CEP135: variants seen among roughly 807,000 people sequenced by gnomAD.
CEP135 encodes the protein centrosomal protein 135, also known as centrosomal protein of 135 kDa.
CEP135 carries 142 observed loss-of-function variants against 157.3 expected under a neutral mutation model. The observed-to-expected ratio is 0.90, with a 90% CI of 0.79 to 1.04. CEP135 has a LOEUF of 1.04. Among genes scored for constraint, CEP135 ranks in the 50% least tolerant of loss-of-function variants. CEP135 has a pLI of 0.00. For synonymous variants in CEP135, 396 were observed against 439.8 expected (o/e 0.90, Z 1.25); for missense variants, 1,317 against 1,309.2 (o/e 1.01, Z -0.09).
chr4:55,962,238 T>C (rs1202831988), intron 6 of CEP135, among the ~76,000 whole-genome samples: 1 of 152,158 alleles, frequency 6.6e-6, no homozygotes, highest in East Asian at 1.9e-4. Flanking sequence ...TAGCTGGGAC[T>C]ACAGGCACCC....
chr4:55,995,775 C>T (rs1030231318), intron 15 of CEP135, among the ~76,000 whole-genome samples: 1 of 152,132 alleles, frequency 6.6e-6, no homozygotes, highest in African/African-American at 2.4e-5. Context: ...AAATTGTTTC[C>T]AGCCCAGTTA....
At chr4:55,962,479 T>G (rs1219581304) in intron 6 of CEP135, among the ~76,000 whole-genome samples, 1 of 152,220 alleles carries the variant, frequency 6.6e-6, no homozygotes, top group Non-Finnish European at 1.5e-5. Context: ...ACTGTCTTAC[T>G]TGATATCTCC....
chr4:56,020,615 C>A, intron 23 of CEP135, 61 bp from the exon 24 acceptor site: 1 of 1,352,716 alleles, frequency 7.4e-7, no homozygotes, highest in South Asian at 1.3e-5. Flanking sequence ...TTAAAAAACC[C>A]ACAGCACCTG....
At chr4:56,025,809 A>G (rs1353852684) in intron 25 of CEP135, among the ~76,000 whole-genome samples, 1 of 152,132 alleles carries the variant, frequency 6.6e-6, no homozygotes, top group African/African-American at 2.4e-5. Flanking sequence ...AAAGTAAACC[A>G]TGAAATATAT....
At chr4:55,981,602 T>C (rs568207865) in intron 13 of CEP135, among the ~76,000 whole-genome samples, 2 of 152,344 alleles carry the variant, frequency 1.3e-5, no homozygotes, top group East Asian at 1.9e-4. Context: ...TTTTGTAGTA[T>C]GACCTACAAA....
chr4:56,011,228 C>T (rs1013973063), intron 19 of CEP135, among the ~76,000 whole-genome samples, 184 bp from the exon 20 acceptor site: 3 of 152,126 alleles, frequency 2.0e-5, no homozygotes, highest in Non-Finnish European at 4.4e-5. Context: ...GAATGAGACT[C>T]TGTCTGAAAT....
chr4:56,006,201 T>A (rs1351242418), intron 17 of CEP135, among the ~76,000 whole-genome samples: 1 of 152,226 alleles, frequency 6.6e-6, no homozygotes, highest in East Asian at 1.9e-4. Flanking sequence ...AACTCCCTCT[T>A]GAACACCAGT....
chr4:56,001,893 T>C (rs1454992325), intron 17 of CEP135, among the ~76,000 whole-genome samples: 7 of 152,190 alleles, frequency 4.6e-5, no homozygotes, highest in Non-Finnish European at 8.8e-5. Context: ...GGAATATCCT[T>C]CCATTTTTTT....
chr4:56,009,958 A>C, intron 19 of CEP135, 55 bp downstream of exon 19: 1 of 1,488,114 alleles, frequency 6.7e-7, no homozygotes, highest in South Asian at 1.2e-5. Flanking sequence ...TGTTTGCTAA[A>C]TATTAAAGCT....
chr4:56,021,098 A>G (rs1730960508), intron 24 of CEP135, among the ~76,000 whole-genome samples: 1 of 152,200 alleles, frequency 6.6e-6, no homozygotes, highest in Non-Finnish European at 1.5e-5. Context: ...GCAGGACAAA[A>G]TTAGAATCCA....
rs995399598 is a variant in CEP135, at chr4:55,953,279, A to C, written c.304+4A>C. ...CATTCAGACCAACACGTTAAAGGTA[A>C]GTGAAAATTTGATAATTTTTAAAAT... On this transcript the variant is annotated splice_donor_region_variant and intron_variant, in intron 3 of 25. Coordinates refer to ENST00000257287, the MANE Select transcript of CEP135 (RefSeq NM_025009.5). 1.3e-6 allele frequency: 2 copies of C among 1,492,564 alleles called. No individual in the cohort carries two copies. The highest frequency in any genetic ancestry group is 5.0e-5 in the East Asian group (2 of 40,224). 92.5% of individuals were successfully genotyped at this position (1,492,564 alleles called of 1,614,324 possible). A position where few individuals can be genotyped will look rare whatever the true frequency, so the allele number is the denominator to read the frequency against.
At chr4:55,950,162 A>G (rs1219612507) in intron 1 of CEP135, among the ~76,000 whole-genome samples, 1 of 152,226 alleles carries the variant, frequency 6.6e-6, no homozygotes, top group East Asian at 1.9e-4. Flanking sequence ...GCAAAGAGAA[A>G]GATATACAGA....
intron 23 of CEP135, among the ~76,000 whole-genome samples, chr4:56,020,093 C>T (rs889497959): frequency 1.3e-5 from 2 of 152,026 alleles, no homozygotes; most frequent in East Asian, 1.9e-4. Context: ...AGGAAAGCGC[C>T]TACAGTTGAG....
intron 14 of CEP135, among the ~76,000 whole-genome samples, chr4:55,989,440 A>G (rs1413256034): frequency 2.0e-5 from 3 of 152,244 alleles, no homozygotes; most frequent in African/African-American, 7.2e-5. Flanking sequence ...CTAAGATCAC[A>G]CAGCTAGCAG....
At chr4:55,994,105 C>G (rs1012849168) in intron 15 of CEP135, among the ~76,000 whole-genome samples, 1 of 152,116 alleles carries the variant, frequency 6.6e-6, no homozygotes, top group African/African-American at 2.4e-5. Context: ...TAAAGCGAAA[C>G]CAAATACAAA....
At chr4:56,030,921 T>A (rs1731319413) in intron 25 of CEP135, among the ~76,000 whole-genome samples, 1 of 152,126 alleles carries the variant, frequency 6.6e-6, no homozygotes, top group South Asian at 2.1e-4. Flanking sequence ...AGTGAGAGGA[T>A]CACTTGAGTT....
At position 55,957,236 on chromosome 4, in the gene CEP135, A is replaced by T. The variant is rs1171832091; in HGVS notation, c.486A>T (p.Arg162Ser). The T allele has an allele frequency of 5.0e-6, 8 of 1,613,360 alleles. No homozygotes were observed. Among genetic ancestry groups the T allele is most frequent in the Non-Finnish European group, 6.8e-6 (8 of 1,179,880 alleles). ...CATTCTTTTTAGGTGGCAAGAAAAGAAGTATTGCTTTCAGGCGCCAGCGTA... is the reference window on the plus strand; with the variant it reads ...CATTCTTTTTAGGTGGCAAGAAAAGTAGTATTGCTTTCAGGCGCCAGCGTA... ...AVVQTPGGKK[R>S]SIAFRRQRMQ... Residue 162 changes from arginine (R) to serine (S), a missense_variant, in exon 5 of 26, where the codon AGA becomes AGT. Arg to Ser is a moderately radical substitution (Grantham distance 110, BLOSUM62 -1). Transcript: ENST00000257287.
intron 11 of CEP135, among the ~76,000 whole-genome samples, chr4:55,975,499 G>C (rs1729173290): frequency 6.6e-6 from 1 of 152,216 alleles, no homozygotes; most frequent in African/African-American, 2.4e-5. Flanking sequence ...ATATTTGTAA[G>C]TTGATGATCC....
rs1479090279 is a variant in CEP135 at position 55,969,097 on chromosome 4, A to G, written c.1079A>G (p.Asp360Gly). 6.2e-7 allele frequency: 1 copy of G among 1,613,468 alleles called. No individual in the cohort carries two copies. Among genetic ancestry groups the G allele is most frequent in the Admixed American group, 1.7e-5 (1 of 59,868 alleles). ...EIKRKLSEMQ[D>G]LEETMAKLQL... ...AAAAGAAAGCTCTCTGAAATGCAGGATCTTGAAGAAACAATGGCAAAACTT... is the reference window on the plus strand; with the variant it reads ...AAAAGAAAGCTCTCTGAAATGCAGGGTCTTGAAGAAACAATGGCAAAACTT... The change falls in exon 9 of 26, where the codon GAT (aspartate) becomes GGT (glycine). Residue 360 changes from aspartate to glycine, a missense_variant. Transcript: ENST00000257287.
Sources: gnomAD v4.1 joint callset for allele counts (sites outside exome capture counted in the v4.1 genomes callset) on GRCh38, gnomAD v4.1.1 for gene constraint, MANE v1.5 for transcripts, NCBI Gene and HGNC (gene_info 2026-07-23, HGNC 2026-07-21) for gene names.